The following ZCCHC14 variants were observed in gnomAD, a reference collection of about 807,000 sequenced individuals.
ZCCHC14 encodes the protein zinc finger CCHC-type containing 14.
A neutral mutation model predicts 85.0 loss-of-function variants in ZCCHC14; 16 were observed. The observed-to-expected ratio is 0.19, with a 90% confidence interval of 0.13 to 0.29. The LOEUF (loss-of-function observed/expected upper bound fraction) is 0.29. ZCCHC14 is among the 10% of genes least tolerant of loss of function. The probability of loss-of-function intolerance (pLI) is 1.00; values close to 1 mark genes in which losing one functional copy is unlikely to be tolerated. For synonymous variants in ZCCHC14, 775 were observed against 630.7 expected (o/e 1.23, Z -3.43); for missense variants, 1,303 against 1,443.5 (o/e 0.90, Z 1.58).
At chr16:87,423,368 C>T (rs1409352801) in intron 4 of ZCCHC14, among the ~76,000 whole-genome samples, 2 of 152,088 alleles carry the variant, frequency 1.3e-5, no homozygotes, top group Admixed American at 1.3e-4. Context: ...TGGGCGAGAG[C>T]AAGATCCAGT....
Position 87,423,797 on chromosome 16 carries a change from T to C in ZCCHC14, c.840+13A>G. 6.2e-7 allele frequency: 1 copy of C among 1,613,388 alleles called. No homozygotes were observed. Among genetic ancestry groups the C allele is most frequent in the Non-Finnish European group, 8.5e-7 (1 of 1,179,642 alleles). On this transcript the variant is annotated intron_variant, in intron 4 of 12. Transcript: ENST00000671377. ...ATTCTTTTAATTTTTATAAGAGCCCTTGATTACCTTACCTTTGAAATAAAT... is the reference window on the plus strand; with the variant it reads ...ATTCTTTTAATTTTTATAAGAGCCCCTGATTACCTTACCTTTGAAATAAAT...
intron 1 of ZCCHC14, among the ~76,000 whole-genome samples, chr16:87,469,701 C>T (rs1043369917): frequency 2.0e-5 from 3 of 152,196 alleles, no homozygotes; most frequent in African/African-American, 7.2e-5. Flanking sequence ...TGCTTCAGTG[C>T]TGTCACAGAG....
At chr16:87,458,865 G>A (rs556517057) in intron 2 of ZCCHC14, among the ~76,000 whole-genome samples, 232 of 152,274 alleles carry the variant, frequency 1.5e-3, no homozygotes, top group African/African-American at 5.5e-3. Flanking sequence ...TGCCATGGGG[G>A]CTCAGGACCA....
Position 87,446,626 on chromosome 16 carries a change from T to C in ZCCHC14, c.694+13382A>G, listed in dbSNP as rs138970277. Among the ~76,000 whole-genome samples, 548 of 152,280 alleles carry C rather than the reference T, an allele frequency of 3.6e-3. 3 individuals carry two copies. The highest frequency in any genetic ancestry group is 0.013 in the African/African-American group (522 of 41,560). On this transcript the variant is annotated intron_variant, in intron 2 of 12. Transcript: ENST00000671377. ...AATGCTGACAACAAACTCTACCTTT[T>C]GAGCAAATGAGATGATGAAAAAGTG...
intron 3 of ZCCHC14, among the ~76,000 whole-genome samples, chr16:87,431,513 A>T (rs1909662293): frequency 6.6e-6 from 1 of 151,946 alleles, no homozygotes; most frequent in Non-Finnish European, 1.5e-5. Flanking sequence ...AGAAAAGTAA[A>T]GCAAAGCTAT....
rs1167204006 is a variant in ZCCHC14 at position 87,412,845 on chromosome 16, C to T, written c.1876G>A (p.Gly626Ser). 1 of 1,609,026 alleles carries T rather than the reference C, an allele frequency of 6.2e-7. No homozygotes were observed. Among genetic ancestry groups the T allele is most frequent in the African/African-American group, 1.3e-5 (1 of 74,846 alleles). ...ATCTGCGGGGGCAGGGGGTGGTGGC[C>T]TGATGGATTGGAGCTGGCCTCATTC... ...VQNEASSNPSGHHPLPPQMLS... is the reference protein window; with the variant it reads ...VQNEASSNPSSHHPLPPQMLS... Residue 626 changes from glycine (G) to serine (S), a missense_variant, in exon 12 of 13, where the codon GGC becomes AGC. Gly to Ser is a moderately conservative substitution (Grantham distance 56). Coordinates refer to ENST00000671377, the MANE Select transcript of ZCCHC14 (RefSeq NM_015144.3).
chr16:87,440,907 G>A (rs1011041196), intron 2 of ZCCHC14, among the ~76,000 whole-genome samples: 3 of 151,670 alleles, frequency 2.0e-5, no homozygotes, highest in Non-Finnish European at 4.4e-5. Context: ...GCACCTTCAC[G>A]CCCAGCCCTG....
At chr16:87,458,828 C>G (rs534002949) in intron 2 of ZCCHC14, among the ~76,000 whole-genome samples, 1 of 152,150 alleles carries the variant, frequency 6.6e-6, no homozygotes, top group Non-Finnish European at 1.5e-5. Flanking sequence ...CCAGCAGATG[C>G]GGACACAGCC....
In ZCCHC14 at chr16:87,420,924, C is replaced by G. The variant is rs760065467; in HGVS notation, c.841-208G>C. 3.9e-5 allele frequency among the ~76,000 whole-genome samples: 6 copies of G among 152,228 alleles called. No homozygotes were observed. Among genetic ancestry groups the G allele is most frequent in the Non-Finnish European group, 7.3e-5 (5 of 68,038 alleles). On this transcript the variant is annotated intron_variant, in intron 4 of 12. Transcript: ENST00000671377. This position sits in a 1 kb window ranked among gnomAD's most constrained non-coding sequence, Gnocchi z 5.0. ...AAGAACATCGCTCTCACAGTTACAT[C>G]CGGAAAAGCTTGACAATCTGCACAA...
chr16:87,486,706 T>A (rs1181341531), intron 1 of ZCCHC14, among the ~76,000 whole-genome samples: 1 of 152,214 alleles, frequency 6.6e-6, no homozygotes, highest in Admixed American at 6.5e-5. Flanking sequence ...GTTAGAATAT[T>A]ATCTCCTGTA....
chr16:87,454,397 G>C (rs1910850491), intron 2 of ZCCHC14, among the ~76,000 whole-genome samples: 1 of 152,184 alleles, frequency 6.6e-6, no homozygotes, highest in East Asian at 1.9e-4. Context: ...AACGCAGCCA[G>C]AGAAAAATGG....
intron 1 of ZCCHC14, among the ~76,000 whole-genome samples, chr16:87,464,962 G>A (rs1183662872): frequency 2.6e-5 from 4 of 152,166 alleles, no homozygotes; most frequent in African/African-American, 4.8e-5. Flanking sequence ...GGAAGGCAAC[G>A]ATAAGCTGCT....
chr16:87,464,235 G>C (rs769618932), intron 1 of ZCCHC14, among the ~76,000 whole-genome samples: 8 of 152,226 alleles, frequency 5.3e-5, no homozygotes, highest in Non-Finnish European at 1.0e-4. Flanking sequence ...GAGCAGTACT[G>C]ATTAGTGCTT....
intron 2 of ZCCHC14, among the ~76,000 whole-genome samples, chr16:87,440,735 T>C (rs59202741): frequency 0.091 from 13,760 of 151,672 alleles, 2,033 homozygotes; most frequent in African/African-American, 0.31. Context: ...GCCTCCTGAG[T>C]AGCTGGCTCT....
intron 2 of ZCCHC14, among the ~76,000 whole-genome samples, chr16:87,433,649 T>G (rs1007323402): frequency 6.6e-6 from 1 of 152,142 alleles, no homozygotes. Flanking sequence ...CTGGGGGGTC[T>G]CTTCTATGTA....
intron 1 of ZCCHC14, among the ~76,000 whole-genome samples, chr16:87,469,691 T>A (rs1272300811): frequency 9.9e-5 from 15 of 152,200 alleles, no homozygotes; most frequent in Non-Finnish European, 2.2e-4. Flanking sequence ...ACAATTAAAT[T>A]GCTTCAGTGC....
intron 1 of ZCCHC14, among the ~76,000 whole-genome samples, chr16:87,468,254 C>A (rs138417349): frequency 4.7e-4 from 72 of 152,110 alleles, no homozygotes; most frequent in African/African-American, 1.7e-3. Context: ...AGGTTTCTTC[C>A]TTAAATAGTG....
At chr16:87,465,985 G>C (rs1911501824) in intron 1 of ZCCHC14, among the ~76,000 whole-genome samples, 1 of 152,102 alleles carries the variant, frequency 6.6e-6, no homozygotes, top group Admixed American at 6.6e-5. Context: ...GGATGGAAAA[G>C]GGAATCCCCG....
chr16:87,418,802 A>C, intron 7 of ZCCHC14, 45 bp downstream of exon 7: 2 of 1,577,422 alleles, frequency 1.3e-6, no homozygotes, highest in Non-Finnish European at 1.7e-6. Context: ...TAAACATTGT[A>C]AAATGCTTAT....
Sources: allele counts gnomAD v4.1 joint callset (sites outside exome capture counted in the v4.1 genomes callset), GRCh38; gene constraint gnomAD v4.1.1; non-coding constraint Gnocchi (gnomAD v3.1); transcripts MANE v1.5; gene names NCBI Gene and HGNC (gene_info 2026-07-23, HGNC 2026-07-21).